The following AKR1E2 variants were observed in gnomAD, a reference collection of about 807,000 sequenced individuals.
AKR1E2 encodes the protein 1,5-anhydro-D-fructose reductase.
AKR1E2 carries 43 observed loss-of-function variants against 41.9 expected under a neutral mutation model. That is an observed-to-expected ratio of 1.03 (90% confidence interval 0.80 to 1.32). The LOEUF is 1.32. Among genes scored for constraint, AKR1E2 ranks in the 40% most tolerant of loss-of-function variants. AKR1E2 has a pLI of 0.00. For synonymous variants in AKR1E2, 121 were observed against 138.9 expected, an observed-to-expected ratio of 0.87 and a Z score of 0.91; for missense variants, 423 against 396.5, an observed-to-expected ratio of 1.07 and a Z score of -0.57.
the AKR1E2 span, among the ~76,000 whole-genome samples, chr10:4,867,055 C>T: frequency 6.6e-6 from 1 of 152,144 alleles, no homozygotes; most frequent in Non-Finnish European, 1.5e-5. Flanking sequence ...ATCTAGTCCC[C>T]AGGCAAGAAG....
At position 4,830,731 on chromosome 10, in the gene AKR1E2, G is replaced by GCACTT. The variant is rs775617736; in HGVS notation, c.98_102dup (p.Asp35ThrfsTer27). ...AAGAGGCCATTGACGCAGGGTACCG[G>GCACTT]CACTTCGACTGTGCTTACTTTTACC... On this transcript the variant is annotated frameshift_variant, in exon 2 of 10. Transcript: ENST00000298375. LOFTEE classifies it high-confidence loss of function. 11 of 1,614,076 alleles carry GCACTT rather than the reference G, an allele frequency of 6.8e-6. No homozygotes were observed. Among genetic ancestry groups the GCACTT allele is most frequent in the Non-Finnish European group, 9.3e-6 (11 of 1,179,994 alleles).
chr10:4,835,955 C>T lies in AKR1E2; in HGVS notation c.459+146C>T, dbSNP rs17133705. ...GTGGAGCAAAAAAGGAATCAATACC[C>T]GAAGAACTCAGAGACCTCAGTGACT... On this transcript the variant is annotated intron_variant, in intron 4 of 9. Transcript: ENST00000298375. The T allele has an allele frequency of 0.041, 48,495 of 1,188,220 alleles. 1,345 individuals are homozygous for T. The highest frequency in any genetic ancestry group is 0.12 in the East Asian group (4,701 of 38,722). 73.6% of individuals were successfully genotyped at this position (1,188,220 alleles called of 1,614,324 possible).
In AKR1E2 at chr10:4,843,221, C is replaced by T. The variant is rs545360347; in HGVS notation, c.837+717C>T. On this transcript the variant is annotated intron_variant, in intron 8 of 9. Transcript: ENST00000298375. ...CTTGGGATTCCCACAGTCTCACTCA[C>T]GATTTAACTGCTGCATGACCTCTCT... Among the ~76,000 whole-genome samples, 16 of 152,320 alleles carry T rather than the reference C, an allele frequency of 1.1e-4. No homozygotes were observed. In the East Asian group the frequency reaches 2.3e-3, roughly 22 times the overall value.
chr10:4,857,256 C>T, the AKR1E2 span, among the ~76,000 whole-genome samples: 3 of 152,156 alleles, frequency 2.0e-5, no homozygotes, highest in African/African-American at 7.2e-5. Flanking sequence ...CAATTGTAAT[C>T]CCCAGTGTTG....
At chr10:4,854,085 GT>G in the AKR1E2 span, among the ~76,000 whole-genome samples, 153 of 129,304 alleles carry the variant, frequency 1.2e-3, no homozygotes, top group Middle Eastern at 3.8e-3. Flanking sequence ...CTCCTTTACT[GT>G]TTTTTTTTTT....
chr10:4,825,094 C>A, upstream of AKR1E2: 1 of 445,922 alleles, frequency 2.2e-6, no homozygotes, highest in South Asian at 1.6e-5. Context: ...GAAGATCCCC[C>A]TTCCCACCTG....
At chr10:4,834,899 G>A (rs1215931058) in intron 3 of AKR1E2, among the ~76,000 whole-genome samples, 3 of 152,226 alleles carry the variant, frequency 2.0e-5, no homozygotes, top group Non-Finnish European at 4.4e-5. Flanking sequence ...CAGGGTCCGA[G>A]TATGAGTCCC....
At chr10:4,839,084 AC>A (rs1367987142) in intron 5 of AKR1E2, among the ~76,000 whole-genome samples, 3 of 152,194 alleles carry the variant, frequency 2.0e-5, no homozygotes, top group Non-Finnish European at 2.9e-5. Context: ...TCTCCTTATA[AC>A]CTGGAATTAT....
chr10:4,865,297 T>G, the AKR1E2 span, among the ~76,000 whole-genome samples: 1 of 152,206 alleles, frequency 6.6e-6, no homozygotes, highest in African/African-American at 2.4e-5. Flanking sequence ...GTGATACTAG[T>G]AACTAACAAT....
intron 8 of AKR1E2, among the ~76,000 whole-genome samples, chr10:4,845,347 C>T (rs1834250577): frequency 1.3e-5 from 2 of 152,296 alleles, no homozygotes; most frequent in South Asian, 4.1e-4. Context: ...CCTCGGCCAG[C>T]CCAGGAAGGG....
At chr10:4,835,961 A>T (rs1833381445) in intron 4 of AKR1E2, 152 bp downstream of exon 4, 18 of 1,140,120 alleles carry the variant, frequency 1.6e-5, no homozygotes, top group Non-Finnish European at 2.2e-5. Flanking sequence ...TACCCGAAGA[A>T]CTCAGAGACC....
chr10:4,830,437 C>T (rs933970575), intron 1 of AKR1E2, among the ~76,000 whole-genome samples: 2 of 152,082 alleles, frequency 1.3e-5, no homozygotes, highest in African/African-American at 4.8e-5. Context: ...CAGTTTTCTG[C>T]AGACACTAAA....
chr10:4,829,605 C>T (rs576164869), intron 1 of AKR1E2, among the ~76,000 whole-genome samples: 85 of 151,462 alleles, frequency 5.6e-4, no homozygotes, highest in African/African-American at 1.9e-3. Flanking sequence ...TTTTGAATTC[C>T]TTGCATTCTT....
the AKR1E2 span, among the ~76,000 whole-genome samples, chr10:4,862,940 G>A: frequency 2.0e-5 from 3 of 151,258 alleles, no homozygotes; most frequent in African/African-American, 7.3e-5. Flanking sequence ...CCCAATGTAG[G>A]GGCACCCAGA....
the AKR1E2 span, among the ~76,000 whole-genome samples, chr10:4,861,002 G>C: frequency 6.6e-6 from 1 of 152,148 alleles, no homozygotes. Context: ...TTTGCCATTT[G>C]TATAATTTTT....
At chr10:4,848,350 G>A (rs1009308139), downstream of AKR1E2, among the ~76,000 whole-genome samples, 9 of 152,262 alleles carry the variant, frequency 5.9e-5, no homozygotes, top group Non-Finnish European at 1.2e-4. Context: ...TGTATCAGAA[G>A]GAGGCCCTGC....
chr10:4,825,148 A>G (rs1360917529), upstream of AKR1E2: 1 of 361,194 alleles, frequency 2.8e-6, no homozygotes, highest in Non-Finnish European at 5.9e-6. Flanking sequence ...AGGAGATGCA[A>G]GTTGGGTGGG....
intron 1 of AKR1E2, among the ~76,000 whole-genome samples, chr10:4,829,265 A>T (rs963466720): frequency 6.6e-6 from 1 of 152,160 alleles, no homozygotes; most frequent in African/African-American, 2.4e-5. Flanking sequence ...TTTGTACTTT[A>T]ATCTGTTAAT....
chr10:4,826,318 G>C lies in AKR1E2; in HGVS notation c.-7G>C. 8.1e-7 allele frequency: 1 copy of C among 1,232,292 alleles called. No individual in the cohort carries two copies. The allele number at this position is 1,232,292 out of a possible 1,614,324, so 76.3% of individuals were successfully genotyped here. A position where few individuals can be genotyped will look rare whatever the true frequency, so the allele number is the denominator to read the frequency against. On this transcript the variant is annotated 5_prime_UTR_variant, in exon 1 of 10. Coordinates refer to ENST00000298375, the MANE Select transcript of AKR1E2 (RefSeq NM_001040177.3). ...GCGGCGGGGCGGCGGGGCGGCCGGC[G>C]GCGGCCATGGGAGATATCCCAGCCG...
Sources: allele counts gnomAD v4.1 joint callset (sites outside exome capture counted in the v4.1 genomes callset), GRCh38; gene constraint gnomAD v4.1.1; transcripts MANE v1.5; gene names NCBI Gene and HGNC (gene_info 2026-07-23, HGNC 2026-07-21).